SLC4A7: variants seen among roughly 807,000 people sequenced by gnomAD.
SLC4A7 encodes solute carrier family 4 member 7, also known as sodium bicarbonate cotransporter 3.
Under a neutral mutation model 137.6 loss-of-function variants are expected in SLC4A7, and 51 were observed. The ratio of observed to expected loss-of-function variants is 0.37; its 90% confidence interval spans 0.30 to 0.47. SLC4A7 has a LOEUF of 0.47. SLC4A7 is among the 20% of genes least tolerant of loss of function. The pLI is 1.00. For missense variants in SLC4A7, 1,247 were observed against 1,525.4 expected (o/e 0.82, Z 3.04); for synonymous variants, 542 against 518.6 (o/e 1.05, Z -0.61).
At position 27,452,506 on chromosome 3, in the gene SLC4A7, C is replaced by G; in HGVS notation, c.61-8G>C. On this transcript the variant is annotated splice_polypyrimidine_tract_variant and splice_region_variant and intron_variant, in intron 1 of 25. Coordinates refer to ENST00000454389, the MANE Select transcript of SLC4A7 (RefSeq NM_001321103.2). The stretch of plus-strand genomic sequence containing the variant: ...AGCTTCTTCATCAGGACCCTAAAAA[C>G]AAATTATTCTCATTGACTCATGAGA... The G allele has an allele frequency of 3.8e-6, 6 of 1,592,118 alleles. No homozygotes were observed. The highest frequency in any genetic ancestry group is 1.1e-5 in the South Asian group (1 of 87,874).
Position 27,376,489 on chromosome 3 carries a change from G to A in SLC4A7, c.*275C>T, listed in dbSNP as rs949243228. 4 of 225,352 alleles carry A rather than the reference G, an allele frequency of 1.8e-5. No individual in the cohort carries two copies. Among genetic ancestry groups the A allele is most frequent in the Non-Finnish European group, 3.4e-5 (4 of 117,000 alleles). The allele number at this position is 225,352 out of a possible 1,614,324, so 14.0% of individuals were successfully genotyped here. A position where few individuals can be genotyped will look rare whatever the true frequency, so the allele number is the denominator to read the frequency against. On this transcript the variant is annotated 3_prime_UTR_variant, in exon 26 of 26. Coordinates refer to ENST00000454389, the MANE Select transcript of SLC4A7 (RefSeq NM_001321103.2). ...GAGATTTAAGAAAAGTAGACTGAAA[G>A]CATTTCTCCACATCCTTCTATTGCA...
intron 1 of SLC4A7, among the ~76,000 whole-genome samples, chr3:27,463,053 C>T (rs931561243): frequency 6.6e-5 from 10 of 151,222 alleles, no homozygotes; most frequent in African/African-American, 2.2e-4. Flanking sequence ...CTTTGTGAGG[C>T]GGGGGCAGAG....
chr3:27,430,691 C>T (rs1294770900), intron 7 of SLC4A7, among the ~76,000 whole-genome samples: 2 of 150,136 alleles, frequency 1.3e-5, no homozygotes, highest in African/African-American at 2.5e-5. Context: ...ATTAGCCAGA[C>T]GTGGTGGCTC....
chr3:27,472,137 T>C (rs1427287218), intron 1 of SLC4A7, among the ~76,000 whole-genome samples: 1 of 152,150 alleles, frequency 6.6e-6, no homozygotes, highest in Non-Finnish European at 1.5e-5. Flanking sequence ...TATAAAACAA[T>C]CCCTCAGAGC....
chr3:27,462,926 T>C (rs1174291338), intron 1 of SLC4A7: 1 of 152,320 alleles, frequency 6.6e-6, no homozygotes, highest in East Asian at 1.9e-4. Context: ...TACCATGGAA[T>C]ATTATAATGA....
intron 1 of SLC4A7, among the ~76,000 whole-genome samples, chr3:27,453,983 G>A (rs1324753095): frequency 6.6e-6 from 1 of 152,112 alleles, no homozygotes; most frequent in African/African-American, 2.4e-5. Flanking sequence ...GTGGGAGCAG[G>A]CCATGTAGAC....
intron 6 of SLC4A7, chr3:27,433,162 T>TCC (rs1046689655): frequency 7.2e-5 from 11 of 152,240 alleles, no homozygotes; most frequent in African/African-American, 2.4e-4. Context: ...TGCCCCATAC[T>TCC]CCACTAGTCC....
chr3:27,465,805 T>A (rs2058956552), intron 1 of SLC4A7, among the ~76,000 whole-genome samples: 1 of 151,062 alleles, frequency 6.6e-6, no homozygotes, highest in South Asian at 2.1e-4. Context: ...ATACAAAAAA[T>A]TAGCCAGGCG....
intron 6 of SLC4A7, among the ~76,000 whole-genome samples, chr3:27,432,578 T>C (rs1291330642): frequency 6.6e-6 from 1 of 152,188 alleles, no homozygotes; most frequent in East Asian, 1.9e-4. Flanking sequence ...TTCAATTCCA[T>C]ATGGCCTAAT....
intron 1 of SLC4A7, among the ~76,000 whole-genome samples, chr3:27,458,255 A>G (rs769147988): frequency 2.0e-5 from 3 of 152,178 alleles, no homozygotes; most frequent in South Asian, 2.1e-4. Context: ...TCAATTCTAT[A>G]AGCTAGCAAA....
In SLC4A7 at chr3:27,400,801, G is replaced by T. The variant is rs777063030; in HGVS notation, c.2390C>A (p.Thr797Lys). 6.2e-7 allele frequency: 1 copy of T among 1,606,966 alleles called. No individual in the cohort carries two copies. The highest frequency in any genetic ancestry group is 2.2e-5 in the East Asian group (1 of 44,718). ...TLAQWKKDNITAHNISWRNLT... is the reference protein window; with the variant it reads ...TLAQWKKDNIKAHNISWRNLT... ...ATTTCTCCAGGAAATATTGTGTGCT[G>T]TTATATTATCTTTCTTCCATTGTGC... The change falls in exon 16 of 26, where the codon ACA becomes AAA. Residue 797 changes from threonine to lysine, a missense_variant. This residue lies in a region of SLC4A7 where 499 missense variants were observed against 664.2 expected (regional missense o/e 0.75). Coordinates refer to ENST00000454389, the MANE Select transcript of SLC4A7 (RefSeq NM_001321103.2).
chr3:27,482,850 C>T (rs556746542), intron 1 of SLC4A7, among the ~76,000 whole-genome samples: 8 of 152,086 alleles, frequency 5.3e-5, no homozygotes, highest in Non-Finnish European at 1.2e-4. Context: ...AATTATCTTC[C>T]AATAACCACT....
chr3:27,458,861 C>T (rs981346730), intron 1 of SLC4A7, among the ~76,000 whole-genome samples: 1 of 152,026 alleles, frequency 6.6e-6, no homozygotes, highest in African/African-American at 2.4e-5. Context: ...ACAGTGGTGC[C>T]CACCTGTAAC....
In SLC4A7 at chr3:27,452,500, TA is replaced by T; in HGVS notation, c.61-3del. The T allele has an allele frequency of 6.3e-7, 1 of 1,597,154 alleles. No homozygotes were observed. Among genetic ancestry groups the T allele is most frequent in the Non-Finnish European group, 8.5e-7 (1 of 1,174,104 alleles). On this transcript the variant is annotated splice_polypyrimidine_tract_variant and splice_region_variant and intron_variant, in intron 1 of 25. Coordinates refer to ENST00000454389, the MANE Select transcript of SLC4A7 (RefSeq NM_001321103.2). ...CACAACAGCTTCTTCATCAGGACCC[TA>T]AAAACAAATTATTCTCATTGACTCA...
At chr3:27,377,019 A>G (rs1006841548) in intron 25 of SLC4A7, among the ~76,000 whole-genome samples, 174 bp from the exon 26 acceptor site, 2 of 152,176 alleles carry the variant, frequency 1.3e-5, no homozygotes, top group Admixed American at 6.5e-5. Context: ...AGCAAATATT[A>G]AAAATTGTTT....
intron 20 of SLC4A7, 35 bp downstream of exon 20, chr3:27,394,483 T>G: frequency 6.4e-7 from 1 of 1,562,296 alleles, no homozygotes; most frequent in Non-Finnish European, 8.8e-7. Flanking sequence ...AATGTTATAA[T>G]AAGATTGTAA....
intron 25 of SLC4A7, among the ~76,000 whole-genome samples, chr3:27,377,102 T>C (rs1298266553): frequency 6.6e-6 from 1 of 152,024 alleles, no homozygotes; most frequent in African/African-American, 2.4e-5. Context: ...AAAGAGGGGG[T>C]CCTTAAAATA....
Position 27,420,688 on chromosome 3 carries a change from T to A in SLC4A7, c.1512+12A>T. 6.5e-7 allele frequency: 1 copy of A among 1,546,594 alleles called. No homozygotes were observed. The highest frequency in any genetic ancestry group is 8.9e-7 in the Non-Finnish European group (1 of 1,119,086). On this transcript the variant is annotated intron_variant, in intron 10 of 25. Coordinates refer to ENST00000454389, the MANE Select transcript of SLC4A7 (RefSeq NM_001321103.2). ...GTGTCTACTTCAAAGAGACTTGGAG[T>A]ATTCTGATTACCTCATCTGTCATGA...
At chr3:27,430,561 A>C (rs1020804032) in intron 7 of SLC4A7, among the ~76,000 whole-genome samples, 7 of 147,662 alleles carry the variant, frequency 4.7e-5, no homozygotes, top group African/African-American at 1.8e-4. Flanking sequence ...TGGAGGTTAC[A>C]GTGAGCTGAG....
Sources: gnomAD v4.1 joint callset for allele counts (sites outside exome capture counted in the v4.1 genomes callset) on GRCh38, gnomAD v4.1.1 for gene constraint, gnomAD v4.1.1 regional missense constraint, MANE v1.5 for transcripts, NCBI Gene and HGNC (gene_info 2026-07-23, HGNC 2026-07-21) for gene names.